Variants in SPAG16 observed in about 807,000 individuals in gnomAD.
SPAG16 encodes sperm associated antigen 16, also known as sperm-associated antigen 16 protein.
In SPAG16, 86 loss-of-function variants were observed where a neutral mutation model predicts 80.4. The observed-to-expected ratio is 1.07, with a 90% CI of 0.90 to 1.28. SPAG16 has a LOEUF of 1.28. SPAG16 is among the 50% of genes most tolerant of loss of function. The pLI is 0.00. For missense variants in SPAG16, 870 were observed against 765.3 expected, an observed-to-expected ratio of 1.14 and a Z score of -1.61; for synonymous variants, 294 against 265.9, an observed-to-expected ratio of 1.11 and a Z score of -1.03.
chr2:213,567,231 G>GTTT (rs369737697), intron 10 of SPAG16, among the ~76,000 whole-genome samples: 4,144 of 104,644 alleles, frequency 0.04, 109 homozygotes, highest in African/African-American at 0.079. Flanking sequence ...GTTTGACATT[G>GTTT]TTTTTTTTTT....
chr2:213,659,079 A>C (rs1416354925), intron 10 of SPAG16, among the ~76,000 whole-genome samples: 1 of 152,208 alleles, frequency 6.6e-6, no homozygotes, highest in Non-Finnish European at 1.5e-5. Flanking sequence ...CTGTTGTGTA[A>C]TGTTCTAAAT....
At chr2:213,945,649 C>CA (rs1283382968) in intron 12 of SPAG16, among the ~76,000 whole-genome samples, 2 of 152,220 alleles carry the variant, frequency 1.3e-5, no homozygotes, top group East Asian at 3.9e-4. Flanking sequence ...TCTCTTTTGG[C>CA]AACACCCTCA....
At chr2:213,442,325 A>G (rs1000989691) in intron 9 of SPAG16, among the ~76,000 whole-genome samples, 4 of 152,240 alleles carry the variant, frequency 2.6e-5, no homozygotes, top group Non-Finnish European at 5.9e-5. Context: ...AAGACTCAAT[A>G]TTGTCAAGAT....
At position 213,284,628 on chromosome 2, in the gene SPAG16, C is replaced by T. The variant is rs570295523; in HGVS notation, c.136+9C>T. On this transcript the variant is annotated intron_variant, in intron 1 of 15. Coordinates refer to ENST00000331683, the MANE Select transcript of SPAG16 (RefSeq NM_024532.5). ...CGCCTACTACCTGGAACGTATCCTTCCCGTGGAGGCGCGGCCCGCTGCGCT... is the reference window on the plus strand; with the variant it reads ...CGCCTACTACCTGGAACGTATCCTTTCCGTGGAGGCGCGGCCCGCTGCGCT... 6.2e-7 allele frequency: 1 copy of T among 1,603,800 alleles called. No homozygotes were observed. Among genetic ancestry groups the T allele is most frequent in the Non-Finnish European group, 8.5e-7 (1 of 1,175,690 alleles).
At chr2:213,655,025 C>T (rs1334483457) in intron 10 of SPAG16, among the ~76,000 whole-genome samples, 2 of 152,200 alleles carry the variant, frequency 1.3e-5, no homozygotes, top group African/African-American at 2.4e-5. Context: ...AGTGAAACTA[C>T]TCCATATGAT....
chr2:213,922,655 G>A (rs569420901), intron 11 of SPAG16, among the ~76,000 whole-genome samples: 26 of 152,226 alleles, frequency 1.7e-4, no homozygotes, highest in South Asian at 6.2e-4. Context: ...ATTTGTGTGG[G>A]CTGATGTTCC....
intron 6 of SPAG16, among the ~76,000 whole-genome samples, chr2:213,345,942 A>G (rs2064958365): frequency 6.6e-6 from 1 of 152,126 alleles, no homozygotes; most frequent in South Asian, 2.1e-4. Context: ...CCTGATAGGG[A>G]TGGCATTGAA....
At chr2:213,418,373 T>A (rs1051221282) in intron 9 of SPAG16, among the ~76,000 whole-genome samples, 3 of 152,288 alleles carry the variant, frequency 2.0e-5, no homozygotes, top group African/African-American at 7.2e-5. Flanking sequence ...TAAAGGATGT[T>A]CCCAGGTCAT....
At chr2:213,705,023 C>T (rs1408902341) in intron 10 of SPAG16, among the ~76,000 whole-genome samples, 3 of 152,082 alleles carry the variant, frequency 2.0e-5, no homozygotes, top group Non-Finnish European at 4.4e-5. Flanking sequence ...GAGGCGGAGG[C>T]AGGCGGATCA....
intron 10 of SPAG16, among the ~76,000 whole-genome samples, chr2:213,521,503 T>G (rs945462473): frequency 6.6e-6 from 1 of 152,200 alleles, no homozygotes; most frequent in Non-Finnish European, 1.5e-5. Flanking sequence ...ATTCTCTTGC[T>G]CCACAATGCC....
intron 10 of SPAG16, among the ~76,000 whole-genome samples, chr2:213,856,925 G>A (rs1298170860): frequency 1.3e-5 from 2 of 152,092 alleles, no homozygotes; most frequent in African/African-American, 4.8e-5. Context: ...ATGAATGAAG[G>A]TGGCTAAACT....
At chr2:213,531,137 G>A (rs2076051804) in intron 10 of SPAG16, among the ~76,000 whole-genome samples, 1 of 152,110 alleles carries the variant, frequency 6.6e-6, no homozygotes, top group East Asian at 1.9e-4. Flanking sequence ...TCTGCTGAAT[G>A]ATTTGAGTGT....
chr2:213,667,110 A>T (rs1285321447), intron 10 of SPAG16, among the ~76,000 whole-genome samples: 2 of 152,240 alleles, frequency 1.3e-5, no homozygotes, highest in African/African-American at 4.8e-5. Flanking sequence ...CATCTAATTT[A>T]GATTTCTTAT....
At chr2:213,720,493 C>T (rs1158420270) in intron 10 of SPAG16, among the ~76,000 whole-genome samples, 1 of 145,700 alleles carries the variant, frequency 6.9e-6, no homozygotes, top group African/African-American at 2.5e-5. Flanking sequence ...AAAAAATTAG[C>T]TGGGCATGGT....
chr2:213,534,462 TAAC>T (rs1263707750), intron 10 of SPAG16, among the ~76,000 whole-genome samples: 1 of 152,042 alleles, frequency 6.6e-6, no homozygotes, highest in Non-Finnish European at 1.5e-5. Flanking sequence ...TTCTTCAAAA[TAAC>T]AAACTATTGG....
chr2:213,358,728 G>C (rs2065811936), intron 7 of SPAG16, among the ~76,000 whole-genome samples: 1 of 152,148 alleles, frequency 6.6e-6, no homozygotes, highest in Admixed American at 6.5e-5. Context: ...GGAGAAGTTT[G>C]TTATTACCGA....
chr2:213,566,613 C>T (rs1397981312), intron 10 of SPAG16, among the ~76,000 whole-genome samples: 1 of 152,136 alleles, frequency 6.6e-6, no homozygotes, highest in Non-Finnish European at 1.5e-5. Flanking sequence ...GACCTAAGCT[C>T]ACTGTGCAAC....
At chr2:214,350,004 T>G (rs1337112732) in intron 15 of SPAG16, among the ~76,000 whole-genome samples, 2 of 152,246 alleles carry the variant, frequency 1.3e-5, no homozygotes, top group African/African-American at 4.8e-5. Flanking sequence ...CTTGGTTTGC[T>G]TATTCATTTC....
intron 15 of SPAG16, among the ~76,000 whole-genome samples, chr2:214,391,736 C>T (rs1005579636): frequency 7.9e-5 from 12 of 152,124 alleles, no homozygotes; most frequent in Non-Finnish European, 1.3e-4. Flanking sequence ...ACTGAGCTCC[C>T]TAGCCATTCT....
Sources: allele counts gnomAD v4.1 joint callset (sites outside exome capture counted in the v4.1 genomes callset), GRCh38; gene constraint gnomAD v4.1.1; transcripts MANE v1.5; gene names NCBI Gene and HGNC (gene_info 2026-07-23, HGNC 2026-07-21).